CUL5: variants seen among roughly 807,000 people sequenced by gnomAD.
CUL5 encodes the protein cullin 5.
A neutral mutation model predicts 108.8 loss-of-function variants in CUL5; 26 were observed. That is an observed-to-expected ratio of 0.24 (90% CI 0.18 to 0.33). CUL5 has a LOEUF of 0.33. Among genes scored for constraint, CUL5 ranks in the 10% least tolerant of loss-of-function variants. The probability of loss-of-function intolerance (pLI) is 1.00; values close to 1 mark genes in which losing one functional copy is unlikely to be tolerated. For synonymous variants in CUL5, 334 were observed against 298.0 expected (o/e 1.12, Z -1.25); for missense variants, 524 against 909.2 (o/e 0.58, Z 5.45).
At chr11:108,043,213 G>A (rs1167504751) in intron 2 of CUL5, among the ~76,000 whole-genome samples, 6 of 152,190 alleles carry the variant, frequency 3.9e-5, no homozygotes, top group African/African-American at 1.4e-4. Context: ...AGGACTACAG[G>A]CATGTGCCAC....
At chr11:108,050,964 T>G (rs969359469) in intron 4 of CUL5, among the ~76,000 whole-genome samples, 3 of 152,210 alleles carry the variant, frequency 2.0e-5, no homozygotes, top group Admixed American at 2.0e-4. Context: ...ATCTTTCCAC[T>G]TGTAAGAATA....
chr11:108,044,379 G>A (rs1863012831), intron 2 of CUL5, among the ~76,000 whole-genome samples: 1 of 151,998 alleles, frequency 6.6e-6, no homozygotes, highest in African/African-American at 2.4e-5. Context: ...GCCAGACATG[G>A]TGGCACATAC....
chr11:108,033,275 T>G (rs1478387730), intron 1 of CUL5, among the ~76,000 whole-genome samples: 1 of 152,070 alleles, frequency 6.6e-6, no homozygotes, highest in African/African-American at 2.4e-5. Context: ...TACTGTTGAG[T>G]TTTGATGGAG....
In CUL5 at chr11:108,073,507, C is replaced by T. The variant is rs755923396; in HGVS notation, c.1113+10C>T. The T allele has an allele frequency of 1.6e-6, 2 of 1,228,850 alleles. No individual in the cohort carries two copies. The highest frequency in any genetic ancestry group is 2.3e-6 in the Non-Finnish European group (2 of 872,284). The allele number at this position is 1,228,850 out of a possible 1,614,324, so 76.1% of individuals were successfully genotyped here. Reference sequence around the variant, plus strand: ...TACTGCAAGAGATAAGGTATATATTCCTATATATATAAAAAACACTTTTAA... The same window carrying T: ...TACTGCAAGAGATAAGGTATATATTTCTATATATATAAAAAACACTTTTAA... On this transcript the variant is annotated intron_variant, in intron 10 of 18. Coordinates refer to ENST00000393094, the MANE Select transcript of CUL5 (RefSeq NM_003478.6).
intron 2 of CUL5, among the ~76,000 whole-genome samples, chr11:108,041,991 C>T (rs1274786148): frequency 6.6e-6 from 1 of 152,044 alleles, no homozygotes; most frequent in African/African-American, 2.4e-5. Flanking sequence ...TTATAGTAAA[C>T]TAAATAAAAG....
chr11:108,055,609 TAATA>T (rs199948513), intron 7 of CUL5, among the ~76,000 whole-genome samples: 1,593 of 149,990 alleles, frequency 0.011, 27 homozygotes, highest in African/African-American at 0.038. Flanking sequence ...CCTGCCTGAC[TAATA>T]AATATATATA....
At chr11:108,077,616 T>G (rs1366782767) in intron 10 of CUL5, among the ~76,000 whole-genome samples, 1 of 112,976 alleles carries the variant, frequency 8.9e-6, no homozygotes, top group Non-Finnish European at 1.9e-5. Context: ...GGGCAACGAG[T>G]GAAACTCTGT....
At chr11:108,082,867 G>A (rs1864128025) in intron 11 of CUL5, among the ~76,000 whole-genome samples, 1 of 151,234 alleles carries the variant, frequency 6.6e-6, no homozygotes, top group Non-Finnish European at 1.5e-5. Context: ...GTTCAAGTGA[G>A]CCTCCTGCCT....
intron 13 of CUL5, among the ~76,000 whole-genome samples, chr11:108,093,335 A>G (rs1243445198): frequency 1.3e-5 from 2 of 152,120 alleles, no homozygotes; most frequent in Non-Finnish European, 2.9e-5. Context: ...ATTCCTTTAT[A>G]GCATTTTTGC....
rs567729419 is a variant in CUL5 at position 108,031,868 on chromosome 11, A to G, written c.25-1934A>G. ...AAAAGAACAAGATCATGTCCTTTGC[A>G]GGGACATGGATGGAGCTGGAGGCCA... On this transcript the variant is annotated intron_variant, in intron 1 of 18. Transcript: ENST00000393094. Among the ~76,000 whole-genome samples the G allele has an allele frequency of 9.8e-5, 15 of 152,336 alleles. 3 individuals carry two copies. Among genetic ancestry groups the G allele is most frequent in the African/African-American group, 3.6e-4 (15 of 41,570 alleles).
rs142277453 is a variant in CUL5, at chr11:108,028,871, C to T, written c.25-4931C>T. 2.0e-5 allele frequency among the ~76,000 whole-genome samples: 3 copies of T among 152,264 alleles called. No individual in the cohort carries two copies. In the East Asian group the frequency reaches 5.8e-4, roughly 29 times the overall value. ...GATTATGACACTTCTTGCTCAGAAT[C>T]TTTTAATGGCTCTTCATCTCACTTA... On this transcript the variant is annotated intron_variant, in intron 1 of 18. Transcript: ENST00000393094.
chr11:108,082,000 G>T (rs1864098918), intron 11 of CUL5, among the ~76,000 whole-genome samples: 1 of 152,138 alleles, frequency 6.6e-6, no homozygotes, highest in African/African-American at 2.4e-5. Flanking sequence ...TTGTGAAAAA[G>T]ACCTTTGGAA....
At chr11:108,018,581 A>G (rs1485398818) in intron 1 of CUL5, among the ~76,000 whole-genome samples, 1 of 152,090 alleles carries the variant, frequency 6.6e-6, no homozygotes, top group African/African-American at 2.4e-5. Flanking sequence ...AGGCTGAGGC[A>G]GGAGAATCAC....
intron 11 of CUL5, among the ~76,000 whole-genome samples, chr11:108,079,143 A>G (rs1479739931): frequency 1.3e-5 from 2 of 152,120 alleles, no homozygotes; most frequent in Non-Finnish European, 2.9e-5. Flanking sequence ...TCACTCTGTC[A>G]CCCAGGCTGG....
intron 10 of CUL5, 85 bp downstream of exon 10, chr11:108,073,582 C>G: frequency 1.8e-6 from 1 of 561,474 alleles, no homozygotes; most frequent in Non-Finnish European, 2.9e-6. Flanking sequence ...CATTATTTTT[C>G]TATTAATTAT....
intron 10 of CUL5, 102 bp downstream of exon 10, chr11:108,073,599 A>C: frequency 2.0e-6 from 1 of 492,326 alleles, no homozygotes; most frequent in Non-Finnish European, 3.4e-6. Flanking sequence ...TTATAAACTT[A>C]AAAACCTAGC....
intron 2 of CUL5, among the ~76,000 whole-genome samples, chr11:108,034,227 A>AG (rs1481112174): frequency 6.6e-6 from 1 of 152,178 alleles, no homozygotes; most frequent in Non-Finnish European, 1.5e-5. Flanking sequence ...GTCCTTTCCC[A>AG]GGGGAGTCAC....
At chr11:108,082,863 G>A (rs1317028288) in intron 11 of CUL5, among the ~76,000 whole-genome samples, 1 of 151,940 alleles carries the variant, frequency 6.6e-6, no homozygotes, top group Non-Finnish European at 1.5e-5. Flanking sequence ...CTGGGTTCAA[G>A]TGAGCCTCCT....
At chr11:108,044,507 C>CAA (rs35135984) in intron 2 of CUL5, among the ~76,000 whole-genome samples, 1 of 144,604 alleles carries the variant, frequency 6.9e-6, no homozygotes, top group Non-Finnish European at 1.5e-5. Context: ...GACAGTGTCT[C>CAA]AAAAAAAAAA....
Sources: allele counts gnomAD v4.1 joint callset (sites outside exome capture counted in the v4.1 genomes callset), GRCh38; gene constraint gnomAD v4.1.1; transcripts MANE v1.5; gene names NCBI Gene and HGNC (gene_info 2026-07-23, HGNC 2026-07-21).